Variants in TENM2 observed in about 807,000 individuals in gnomAD.
TENM2 encodes teneurin transmembrane protein 2.
A neutral mutation model predicts 245.2 loss-of-function variants in TENM2; 52 were observed. That is an observed-to-expected ratio of 0.21 (90% confidence interval 0.17 to 0.27). The LOEUF (loss-of-function observed/expected upper bound fraction) is 0.27, where lower values mean the gene tolerates loss of function less well. Ranked by LOEUF, TENM2 falls within the 10% of genes least tolerant of loss-of-function variation. TENM2 has a pLI of 1.00. For synonymous variants in TENM2, 1,363 were observed against 1,438.9 expected, an observed-to-expected ratio of 0.95 and a Z score of 1.19; for missense variants, 3,046 against 3,666.8, an observed-to-expected ratio of 0.83 and a Z score of 4.37.
chr5:167,107,687 A>G, the TENM2 span, among the ~76,000 whole-genome samples: 1 of 152,204 alleles, frequency 6.6e-6, no homozygotes, highest in Non-Finnish European at 1.5e-5. Flanking sequence ...AGTTAAATCA[A>G]AAAGTTTGGA....
At chr5:167,961,731 A>C (rs774001126) in intron 4 of TENM2, among the ~76,000 whole-genome samples, 1 of 152,226 alleles carries the variant, frequency 6.6e-6, no homozygotes, top group East Asian at 1.9e-4. Context: ...GAATCTAGGG[A>C]TAGAGGGACA....
chr5:166,981,619 C>T, the TENM2 span, among the ~76,000 whole-genome samples: 6 of 152,044 alleles, frequency 3.9e-5, no homozygotes, highest in Admixed American at 6.5e-5. Flanking sequence ...TTGCTAGGCT[C>T]GTGGGGCAAG....
intron 7 of TENM2, among the ~76,000 whole-genome samples, chr5:168,089,145 C>G (rs766357774): frequency 1.3e-5 from 2 of 152,130 alleles, no homozygotes; most frequent in Non-Finnish European, 2.9e-5. Context: ...CACTGGTGTC[C>G]TCTTTGCCTT....
intron 13 of TENM2, among the ~76,000 whole-genome samples, chr5:168,168,681 C>CAA (rs36016365): frequency 3.1e-5 from 4 of 128,082 alleles, no homozygotes; most frequent in East Asian, 4.9e-4. Context: ...GACCCTGTCT[C>CAA]AAAAAAAAAA....
intron 2 of TENM2, among the ~76,000 whole-genome samples, chr5:167,787,673 A>C (rs557735413): frequency 1.5e-4 from 23 of 152,306 alleles, no homozygotes; most frequent in Admixed American, 1.2e-3. Flanking sequence ...CCTACATATC[A>C]TGGCTGTCCC....
chr5:167,421,650 C>T (rs1472606424), intron 2 of TENM2, among the ~76,000 whole-genome samples: 1 of 152,058 alleles, frequency 6.6e-6, no homozygotes, highest in African/African-American at 2.4e-5. Flanking sequence ...TCTGTGGACT[C>T]CTAGATAGTT....
At chr5:168,155,198 G>A (rs938981756) in intron 12 of TENM2, among the ~76,000 whole-genome samples, 1 of 152,188 alleles carries the variant, frequency 6.6e-6, no homozygotes, top group Middle Eastern at 3.4e-3. Flanking sequence ...AGTATAAATG[G>A]CTACCTGAAC....
intron 24 of TENM2, among the ~76,000 whole-genome samples, chr5:168,227,516 CT>C (rs56834297): frequency 0.019 from 2,488 of 130,516 alleles, 13 homozygotes; most frequent in African/African-American, 0.024. Context: ...ATTTGCCTTT[CT>C]TTTTTTTTTT....
At chr5:167,487,491 T>C (rs1561995695) in intron 2 of TENM2, among the ~76,000 whole-genome samples, 3 of 152,170 alleles carry the variant, frequency 2.0e-5, no homozygotes, top group Non-Finnish European at 4.4e-5. Context: ...TATATGCATG[T>C]TTATGTTTAT....
the TENM2 span, among the ~76,000 whole-genome samples, chr5:167,031,597 T>C: frequency 1.3e-5 from 2 of 152,152 alleles, no homozygotes; most frequent in African/African-American, 4.8e-5. Flanking sequence ...GGAGTTTTGT[T>C]CTTGTTGCCC....
chr5:167,846,202 C>G (rs549672901), intron 2 of TENM2, among the ~76,000 whole-genome samples: 4 of 152,352 alleles, frequency 2.6e-5, no homozygotes, highest in Admixed American at 1.3e-4. Context: ...TCCTCAAGGA[C>G]ACAGACTGTG....
At chr5:167,369,892 C>T (rs1760302928) in intron 1 of TENM2, among the ~76,000 whole-genome samples, 1 of 152,090 alleles carries the variant, frequency 6.6e-6, no homozygotes, top group Non-Finnish European at 1.5e-5. Context: ...TACATATGTG[C>T]TTTTCCTAGT....
At chr5:167,445,397 A>G (rs2127466403) in intron 2 of TENM2, among the ~76,000 whole-genome samples, 1 of 132,690 alleles carries the variant, frequency 7.5e-6, no homozygotes. Flanking sequence ...GTTGTTGGGC[A>G]GGTAGATTGG....
chr5:167,341,308 C>T (rs1273686806), intron 1 of TENM2, among the ~76,000 whole-genome samples: 1 of 152,090 alleles, frequency 6.6e-6, no homozygotes, highest in African/African-American at 2.4e-5. Context: ...AATTCTCTTT[C>T]TTTTCTTTCT....
chr5:167,226,838 T>G, the TENM2 span, among the ~76,000 whole-genome samples: 8 of 152,136 alleles, frequency 5.3e-5, 1 homozygote, highest in Admixed American at 5.2e-4. Flanking sequence ...TCTAGTGACA[T>G]TTGTTTTATG....
chr5:167,378,856 A>C (rs1760925085), intron 2 of TENM2, among the ~76,000 whole-genome samples: 1 of 132,846 alleles, frequency 7.5e-6, no homozygotes, highest in Non-Finnish European at 1.6e-5. Context: ...TTGGGACTTA[A>C]AAATTTCCTT....
At chr5:167,716,309 C>T (rs376817915) in intron 2 of TENM2, among the ~76,000 whole-genome samples, 2 of 152,148 alleles carry the variant, frequency 1.3e-5, no homozygotes, top group Admixed American at 6.5e-5. Context: ...GCTAGTCTGC[C>T]GACTTCAGCT....
intron 3 of TENM2, among the ~76,000 whole-genome samples, chr5:167,946,044 C>T (rs1779596452): frequency 6.6e-6 from 1 of 152,202 alleles, no homozygotes; most frequent in Admixed American, 6.5e-5. Context: ...CCTGTGAAGC[C>T]AGCCATACCA....
chr5:167,887,400 A>G (rs11953311), intron 3 of TENM2, among the ~76,000 whole-genome samples: 5,353 of 152,314 alleles, frequency 0.035, 232 homozygotes, highest in African/African-American at 0.1. Context: ...GTGGGGCAAC[A>G]AAAAGGTGGC....
Sources: gnomAD v4.1 joint callset for allele counts (sites outside exome capture counted in the v4.1 genomes callset) on GRCh38, gnomAD v4.1.1 for gene constraint, MANE v1.5 for transcripts, NCBI Gene and HGNC (gene_info 2026-07-23, HGNC 2026-07-21) for gene names.